PASK: variants seen among roughly 807,000 people sequenced by gnomAD.
PASK encodes the protein PAS domain containing serine/threonine kinase.
In PASK, 110 loss-of-function variants were observed where a neutral mutation model predicts 121.0. The ratio of observed to expected loss-of-function variants is 0.91; its 90% CI spans 0.78 to 1.06. The LOEUF (loss-of-function observed/expected upper bound fraction) is 1.06. Ranked by LOEUF, PASK falls within the 50% of genes least tolerant of loss-of-function variation. PASK has a pLI of 0.00. For missense variants in PASK, 1,643 were observed against 1,702.3 expected (o/e 0.97, Z 0.61); for synonymous variants, 686 against 717.8 (o/e 0.96, Z 0.71).
At position 241,108,518 on chromosome 2, in the gene PASK, G is replaced by C; in HGVS notation, c.3534-218C>G. ...ATGTGCCAGGAGTGGAGAGGCCATC[G>C]GGCAGCTCCGAGGCTAATCAGGAAC... is the stretch of plus-strand genomic sequence containing the variant. On this transcript the variant is annotated intron_variant, in intron 15 of 17. Transcript: ENST00000234040. The surrounding 1 kb of genome is among the most constrained non-coding windows in gnomAD (Gnocchi z 5.2). 1 of 611,810 alleles carries C rather than the reference G, an allele frequency of 1.6e-6. No individual in the cohort carries two copies. The highest frequency in any genetic ancestry group is 3.0e-6 in the Non-Finnish European group (1 of 338,192). The allele number at this position is 611,810 out of a possible 1,614,324, so 37.9% of individuals were successfully genotyped here. A position where few individuals can be genotyped will look rare whatever the true frequency, so the allele number is the denominator to read the frequency against.
chr2:241,119,451 C>CAGTAAGCAA (rs1225525123), intron 12 of PASK, among the ~76,000 whole-genome samples: 1 of 150,816 alleles, frequency 6.6e-6, no homozygotes, highest in East Asian at 2.0e-4. Flanking sequence ...GGCTTCATGT[C>CAGTAAGCAA]AGTAAGCAAG....
rs770283138 is a variant in PASK, at chr2:241,137,065, C to T, written c.1076G>A (p.Gly359Asp). The T allele has an allele frequency of 6.2e-7, 1 of 1,613,486 alleles. No homozygotes were observed. Among genetic ancestry groups the T allele is most frequent in the Non-Finnish European group, 8.5e-7 (1 of 1,179,742 alleles). ...ITLLPDGTIH[G>D]INHSFALTLF... ...TGTCAGCGCGAAGCTGTGGTTGATG[C>T]CGTGGATGGTCCCATCCGGCAGGAG... The change falls in exon 7 of 18, where the codon GGC becomes GAC. Residue 359 changes from glycine (G) to aspartate (D), a missense_variant. Around this residue, in one of 3 missense-constraint regions of PASK, gnomAD observed 1,176 missense variants for 1,162.2 expected, o/e 1.01. Coordinates refer to ENST00000234040, the MANE Select transcript of PASK (RefSeq NM_015148.4).
chr2:241,140,075 A>G lies in PASK; in HGVS notation c.430-20T>C. 6.2e-7 allele frequency: 1 copy of G among 1,609,818 alleles called. No individual in the cohort carries two copies. Among genetic ancestry groups the G allele is most frequent in the East Asian group, 2.2e-5 (1 of 44,850 alleles). On this transcript the variant is annotated intron_variant, in intron 3 of 17. Coordinates refer to ENST00000234040, the MANE Select transcript of PASK (RefSeq NM_015148.4). ...CAGGATCTGAGGAATCACAAAGAGG[A>G]GCAAGGATGCAGACATCCCCAGCAG... is the stretch of plus-strand genomic sequence containing the variant.
chr2:241,127,578 A>C (rs373054159), intron 9 of PASK, 127 bp from the exon 10 acceptor site: 44 of 804,776 alleles, frequency 5.5e-5, no homozygotes, highest in Non-Finnish European at 1.7e-5. Flanking sequence ...CAAGAAAAAG[A>C]CCAAATTTTG....
rs779238858 is a variant in PASK at position 241,112,303 on chromosome 2, T to C, written c.3470A>G (p.Lys1157Arg). Residue 1157 changes from lysine to arginine, a missense_variant, in exon 15 of 18, where the codon AAA (lysine) becomes AGA (arginine). Physicochemically the swap from Lys to Arg is conservative, Grantham distance 26 (BLOSUM62 2). Transcript: ENST00000234040. The surrounding 1 kb of genome is among the most constrained non-coding windows in gnomAD (Gnocchi z 5.2). ...GGTCCCACAAAAAGTATAAAATAAT[T>C]TTCCCCTTTCCAAGTAGGCGGCCGA... ...FGSAAYLERG[K>R]LFYTFCGTIE... 8 of 1,613,666 alleles carry C rather than the reference T, an allele frequency of 5.0e-6. No homozygotes were observed. In the Admixed American group the frequency reaches 6.7e-5, roughly 13 times the overall value.
At chr2:241,139,813 A>G (rs1435722450) in intron 4 of PASK, 72 bp downstream of exon 4, 1 of 1,421,474 alleles carries the variant, frequency 7.0e-7, no homozygotes, top group Non-Finnish European at 9.9e-7. Context: ...CCTGGTAGGG[A>G]ACACTGAGCT....
At position 241,126,188 on chromosome 2, in the gene PASK, G is replaced by C. The variant is rs954357980; in HGVS notation, c.2719+8C>G. 44 of 1,613,450 alleles carry C rather than the reference G, an allele frequency of 2.7e-5. No individual in the cohort carries two copies. The highest frequency in any genetic ancestry group is 3.5e-5 in the Non-Finnish European group (41 of 1,179,708). ...ACCACACTTCTTCCTATGGGGCCCGGGACATACTCAGCCGTAAGCCATCTC... is the reference window on the plus strand; with the variant it reads ...ACCACACTTCTTCCTATGGGGCCCGCGACATACTCAGCCGTAAGCCATCTC... On this transcript the variant is annotated splice_region_variant and intron_variant, in intron 10 of 17. Transcript: ENST00000234040.
At chr2:241,117,777 G>A (rs984359773) in intron 12 of PASK, among the ~76,000 whole-genome samples, 3 of 152,134 alleles carry the variant, frequency 2.0e-5, no homozygotes, top group African/African-American at 7.2e-5. Context: ...GAGGAGAAAG[G>A]CATATCATCA....
Position 241,138,395 on chromosome 2 carries a change from T to C in PASK, c.741+259A>G, listed in dbSNP as rs1260527944. 2.6e-5 allele frequency among the ~76,000 whole-genome samples: 4 copies of C among 152,220 alleles called. 1 individual carries two copies. Among genetic ancestry groups the C allele is most frequent in the Admixed American group, 6.5e-5 (1 of 15,286 alleles). ...GCTACTATCCTGGGGGGTTTACATA[T>C]ATTATCTCATTTAAATGTTGAAACA... On this transcript the variant is annotated intron_variant, in intron 5 of 17. Transcript: ENST00000234040.
At chr2:241,149,666 G>A (rs1032779748), upstream of PASK, 2 of 1,545,390 alleles carry the variant, frequency 1.3e-6, no homozygotes, top group Admixed American at 3.9e-5. Flanking sequence ...TCCGCCCCCG[G>A]GCCGGGCAGA....
At chr2:241,114,796 A>G in intron 14 of PASK, 1 of 1,426,518 alleles carries the variant, frequency 7.0e-7, no homozygotes, top group South Asian at 1.6e-5. Context: ...AACCTTAACC[A>G]TTAAACATAC....
At chr2:241,125,460 C>T (rs944053479) in intron 10 of PASK, among the ~76,000 whole-genome samples, 42 of 147,070 alleles carry the variant, frequency 2.9e-4, no homozygotes, top group African/African-American at 1.1e-3. Flanking sequence ...ATTAGCCGGG[C>T]GTGCTGGTGG....
intron 2 of PASK, 199 bp from the exon 3 acceptor site, chr2:241,140,952 C>T (rs2066673576): frequency 1.6e-6 from 1 of 619,302 alleles, no homozygotes; most frequent in Non-Finnish European, 3.0e-6. Context: ...CCACCAGGTC[C>T]ACTCGGAAGC....
intron 1 of PASK, among the ~76,000 whole-genome samples, chr2:241,146,775 C>T (rs1299871874): frequency 1.3e-5 from 2 of 152,200 alleles, no homozygotes; most frequent in Non-Finnish European, 2.9e-5. Flanking sequence ...CTGGGTCAGG[C>T]AGGTGCAAGA....
At chr2:241,128,246 C>G (rs1345130099) in intron 9 of PASK, among the ~76,000 whole-genome samples, 23 of 152,180 alleles carry the variant, frequency 1.5e-4, no homozygotes, top group Non-Finnish European at 4.4e-5. Flanking sequence ...TACCAGCTCA[C>G]TGGTGAGATG....
rs1329607826 is a variant in PASK, at chr2:241,132,485, C to T, written c.1463+389G>A. On this transcript the variant is annotated intron_variant, in intron 9 of 17. Coordinates refer to ENST00000234040, the MANE Select transcript of PASK (RefSeq NM_015148.4). ...TGCAATGAGCAATGAGCTGAGATCG[C>T]ACCACTGCACTCCAGCCTGGGTGAC... Among the ~76,000 whole-genome samples, 247 of 129,646 alleles carry T rather than the reference C, an allele frequency of 1.9e-3. 3 individuals carry two copies. Among genetic ancestry groups the T allele is most frequent in the African/African-American group, 6.8e-3 (236 of 34,712 alleles). 85.1% of individuals were successfully genotyped at this position (129,646 alleles called of 152,430 possible). A position where few individuals can be genotyped will look rare whatever the true frequency, so the allele number is the denominator to read the frequency against.
chr2:241,124,536 A>G (rs560452365), intron 10 of PASK, among the ~76,000 whole-genome samples: 19 of 152,374 alleles, frequency 1.2e-4, no homozygotes, highest in African/African-American at 4.6e-4. Flanking sequence ...TCCAGTGACA[A>G]GAATGTGAAT....
chr2:241,132,510 C>T (rs2066201831), intron 9 of PASK, among the ~76,000 whole-genome samples: 1 of 103,918 alleles, frequency 9.6e-6, no homozygotes, highest in South Asian at 3.5e-4. Context: ...GCCTGGGTGA[C>T]ACAGCGAGAC....
intron 12 of PASK, among the ~76,000 whole-genome samples, 182 bp downstream of exon 12, chr2:241,122,550 G>A (rs1429124350): frequency 1.3e-5 from 2 of 152,226 alleles, no homozygotes; most frequent in Non-Finnish European, 1.5e-5. Context: ...AACCCTGGAT[G>A]TCAACGTGTG....
Sources: gnomAD v4.1 joint callset for allele counts (sites outside exome capture counted in the v4.1 genomes callset) on GRCh38, gnomAD v4.1.1 for gene constraint, gnomAD v4.1.1 regional missense constraint, Gnocchi (gnomAD v3.1) non-coding constraint, MANE v1.5 for transcripts, NCBI Gene and HGNC (gene_info 2026-07-23, HGNC 2026-07-21) for gene names.